The following RAPGEF5 variants were observed in gnomAD, a reference collection of about 807,000 sequenced individuals.
RAPGEF5 encodes the protein Rap guanine nucleotide exchange factor 5, also known as M-Ras-regulated GEF.
A neutral mutation model predicts 125.2 loss-of-function variants in RAPGEF5; 65 were observed. That is an observed-to-expected ratio of 0.52 (90% CI 0.43 to 0.64). The LOEUF is 0.64. Among genes scored for constraint, RAPGEF5 ranks in the 30% least tolerant of loss-of-function variants. RAPGEF5 has a pLI of 0.00. For synonymous variants in RAPGEF5, 391 were observed against 385.9 expected (o/e 1.01, Z -0.16); for missense variants, 958 against 1,048.1 (o/e 0.91, Z 1.19).
rs1782468416 is a variant in RAPGEF5, at chr7:22,118,452, A to G, written c.*3954T>C. 1 of 152,646 alleles carries G rather than the reference A, an allele frequency of 6.6e-6. No individual in the cohort carries two copies. The highest frequency in any genetic ancestry group is 6.5e-5 in the Admixed American group (1 of 15,282). 9.5% of individuals were successfully genotyped at this position (152,646 alleles called of 1,614,324 possible). Reference sequence around the variant, plus strand: ...AATTATTGCTTACTAGCTTCGATAAATACACAGCACAGTCATATACATATA... The same window carrying G: ...AATTATTGCTTACTAGCTTCGATAAGTACACAGCACAGTCATATACATATA... On this transcript the variant is annotated 3_prime_UTR_variant, in exon 26 of 26. Coordinates refer to ENST00000665637, the MANE Select transcript of RAPGEF5 (RefSeq NM_012294.5).
chr7:22,245,055 AT>A (rs1786440480), intron 7 of RAPGEF5, among the ~76,000 whole-genome samples: 1 of 152,154 alleles, frequency 6.6e-6, no homozygotes, highest in African/African-American at 2.4e-5. Context: ...TTTAATTTGC[AT>A]TTCTCTCATG....
chr7:22,334,911 C>T (rs150121894), intron 1 of RAPGEF5, among the ~76,000 whole-genome samples: 1,729 of 152,268 alleles, frequency 0.011, 23 homozygotes, highest in Middle Eastern at 0.027. Flanking sequence ...CCTCTCCAGC[C>T]GTCCAATAAT....
chr7:22,355,051 G>T (rs1328900241), intron 1 of RAPGEF5, among the ~76,000 whole-genome samples: 1 of 152,184 alleles, frequency 6.6e-6, no homozygotes, highest in South Asian at 2.1e-4. Context: ...CAAATAAATA[G>T]TCAAAAAGTA....
At chr7:22,352,980 T>C (rs1208525380) in intron 1 of RAPGEF5, among the ~76,000 whole-genome samples, 1 of 152,222 alleles carries the variant, frequency 6.6e-6, no homozygotes, top group Non-Finnish European at 1.5e-5. Flanking sequence ...GAATCAATCT[T>C]TCCATCTCAA....
At chr7:22,325,752 C>T (rs926175644) in intron 1 of RAPGEF5, among the ~76,000 whole-genome samples, 4 of 152,112 alleles carry the variant, frequency 2.6e-5, no homozygotes, top group South Asian at 2.1e-4. Flanking sequence ...TTAGTAGAGA[C>T]GACGTCTCAC....
intron 24 of RAPGEF5, among the ~76,000 whole-genome samples, chr7:22,130,655 ACT>A (rs1259152447): frequency 1.3e-5 from 2 of 152,220 alleles, no homozygotes; most frequent in Non-Finnish European, 2.9e-5. Context: ...AGGCTGAGAC[ACT>A]GAGAGATGCC....
At chr7:22,284,401 T>A (rs1247433052) in intron 6 of RAPGEF5, among the ~76,000 whole-genome samples, 1 of 152,136 alleles carries the variant, frequency 6.6e-6, no homozygotes, top group Non-Finnish European at 1.5e-5. Flanking sequence ...TATGGCTCCG[T>A]ATAAACCACA....
intron 24 of RAPGEF5, among the ~76,000 whole-genome samples, chr7:22,130,560 G>C (rs1342955692): frequency 6.6e-6 from 1 of 152,158 alleles, no homozygotes; most frequent in African/African-American, 2.4e-5. Flanking sequence ...GCAAATTCCA[G>C]CCTCACATTT....
At chr7:22,291,108 A>G in intron 6 of RAPGEF5, 67 bp downstream of exon 6, 3 of 1,487,432 alleles carry the variant, frequency 2.0e-6, no homozygotes, top group Non-Finnish European at 2.7e-6. Flanking sequence ...CACCCAAAGA[A>G]CTTCCCTTCT....
chr7:22,215,088 C>T (rs1379990578), intron 9 of RAPGEF5, among the ~76,000 whole-genome samples: 1 of 152,042 alleles, frequency 6.6e-6, no homozygotes, highest in African/African-American at 2.4e-5. Context: ...AATGCTGAGT[C>T]GTTCCTCATT....
chr7:22,308,280 G>C (rs1783390465), intron 5 of RAPGEF5, 59 bp downstream of exon 5: 2 of 1,466,862 alleles, frequency 1.4e-6, no homozygotes, highest in African/African-American at 1.4e-5. Flanking sequence ...ATAGTCCCTA[G>C]ACATGGTAAA....
intron 7 of RAPGEF5, among the ~76,000 whole-genome samples, chr7:22,239,996 G>A (rs996934976): frequency 2.0e-5 from 3 of 151,918 alleles, no homozygotes; most frequent in African/African-American, 7.3e-5. Flanking sequence ...ATCACCTGAG[G>A]TCAAGAGTTC....
intron 9 of RAPGEF5, among the ~76,000 whole-genome samples, chr7:22,200,783 C>A (rs759758343): frequency 1.7e-4 from 26 of 152,174 alleles, no homozygotes; most frequent in Non-Finnish European, 3.4e-4. Flanking sequence ...TCTAATAACC[C>A]TAAAACCAGA....
At chr7:22,222,552 T>C (rs1167512347) in intron 8 of RAPGEF5, among the ~76,000 whole-genome samples, 2 of 152,128 alleles carry the variant, frequency 1.3e-5, no homozygotes, top group Non-Finnish European at 2.9e-5. Flanking sequence ...TGCTCAAGGA[T>C]AGGCAGAGAG....
intron 1 of RAPGEF5, among the ~76,000 whole-genome samples, chr7:22,326,344 C>T (rs1450413705): frequency 6.6e-6 from 1 of 152,158 alleles, no homozygotes; most frequent in Admixed American, 6.6e-5. Context: ...AGACCAAACC[C>T]GGTTGCCACC....
intron 11 of RAPGEF5, among the ~76,000 whole-genome samples, chr7:22,184,553 T>G (rs1784771839): frequency 6.6e-6 from 1 of 152,250 alleles, no homozygotes; most frequent in Non-Finnish European, 1.5e-5. Flanking sequence ...CTGAAAGGTA[T>G]GCTATACTCC....
intron 1 of RAPGEF5, among the ~76,000 whole-genome samples, chr7:22,351,379 T>C (rs1184914700): frequency 2.6e-5 from 4 of 152,212 alleles, no homozygotes; most frequent in African/African-American, 9.7e-5. Flanking sequence ...GGTAAGATAA[T>C]ATCAGCAGGT....
At chr7:22,136,838 C>T (rs528758082) in intron 22 of RAPGEF5, 95 bp downstream of exon 22, 167 of 1,071,642 alleles carry the variant, frequency 1.6e-4, no homozygotes, top group Middle Eastern at 1.0e-3. Flanking sequence ...CTACCTGACA[C>T]GGTAGAGTAC....
intron 15 of RAPGEF5, 28 bp from the exon 16 acceptor site, chr7:22,156,916 A>G (rs368396621): frequency 1.2e-6 from 2 of 1,613,588 alleles, no homozygotes; most frequent in African/African-American, 2.7e-5. Flanking sequence ...GAGAACAATG[A>G]ATGAATACAT....
Sources: gnomAD v4.1 joint callset for allele counts (sites outside exome capture counted in the v4.1 genomes callset) on GRCh38, gnomAD v4.1.1 for gene constraint, MANE v1.5 for transcripts, NCBI Gene and HGNC (gene_info 2026-07-23, HGNC 2026-07-21) for gene names.